PID1: variants seen among roughly 807,000 people sequenced by gnomAD.
PID1 encodes phosphotyrosine interaction domain containing 1.
In PID1, 10 loss-of-function variants were observed where a neutral mutation model predicts 19.1. The ratio of observed to expected loss-of-function variants is 0.52; its 90% CI spans 0.32 to 0.89. PID1 has a LOEUF of 0.89. PID1 is among the 40% of genes least tolerant of loss of function. PID1 has a pLI of 0.03. For synonymous variants in PID1, 130 were observed against 116.0 expected (o/e 1.12, Z -0.78); for missense variants, 248 against 285.3 (o/e 0.87, Z 0.94).
intron 2 of PID1, among the ~76,000 whole-genome samples, chr2:229,060,765 C>T (rs534703384): frequency 6.6e-6 from 1 of 152,100 alleles, no homozygotes; most frequent in Admixed American, 6.6e-5. Flanking sequence ...TTTCTCCATA[C>T]CCTCGCCAAC....
chr2:229,101,620 C>G (rs1695076568), intron 2 of PID1, among the ~76,000 whole-genome samples: 1 of 152,128 alleles, frequency 6.6e-6, no homozygotes, highest in Admixed American at 6.5e-5. Context: ...ATTATCACAC[C>G]CATTTTACAA....
At chr2:229,067,856 T>C (rs1425858711) in intron 2 of PID1, among the ~76,000 whole-genome samples, 4 of 152,318 alleles carry the variant, frequency 2.6e-5, no homozygotes, top group African/African-American at 7.2e-5. Context: ...CTTCTGGTCA[T>C]GCTATTCCAG....
intron 1 of PID1, among the ~76,000 whole-genome samples, chr2:229,221,026 G>T (rs1007097970): frequency 6.6e-6 from 1 of 152,162 alleles, no homozygotes. Flanking sequence ...TGGCCGATCA[G>T]TGTAGACTTG....
intron 1 of PID1, among the ~76,000 whole-genome samples, chr2:229,205,926 C>T (rs1159297521): frequency 6.6e-6 from 1 of 152,118 alleles, no homozygotes; most frequent in Non-Finnish European, 1.5e-5. Context: ...ATTTGCTCTG[C>T]CCATCATGAA....
At chr2:229,056,691 A>T (rs1694109894) in intron 2 of PID1, among the ~76,000 whole-genome samples, 1 of 147,118 alleles carries the variant, frequency 6.8e-6, no homozygotes, top group Non-Finnish European at 1.5e-5. Context: ...CCAATGCACC[A>T]CCAAGCAATC....
At chr2:229,094,184 G>T (rs141939195) in intron 2 of PID1, among the ~76,000 whole-genome samples, 2 of 151,930 alleles carry the variant, frequency 1.3e-5, no homozygotes, top group African/African-American at 4.8e-5. Flanking sequence ...AACTCAATCC[G>T]CTTTAAAATA....
chr2:229,178,229 A>G (rs1690866368), intron 1 of PID1, among the ~76,000 whole-genome samples: 1 of 152,174 alleles, frequency 6.6e-6, no homozygotes, highest in South Asian at 2.1e-4. Context: ...TTAAATTGCA[A>G]TTTCCCCATC....
At chr2:229,235,746 G>T (rs924220345) in intron 1 of PID1, among the ~76,000 whole-genome samples, 2 of 152,140 alleles carry the variant, frequency 1.3e-5, no homozygotes, top group Non-Finnish European at 2.9e-5. Flanking sequence ...GGAGAGATGA[G>T]AGATTAAAAT....
chr2:229,166,044 A>G (rs1396730975), intron 1 of PID1, among the ~76,000 whole-genome samples: 1 of 152,248 alleles, frequency 6.6e-6, no homozygotes, highest in Non-Finnish European at 1.5e-5. Context: ...CTATATTTTT[A>G]AGAGCAGAAA....
intron 2 of PID1, among the ~76,000 whole-genome samples, chr2:229,028,465 G>GA (rs1180531563): frequency 3.3e-5 from 5 of 152,158 alleles, no homozygotes; most frequent in Admixed American, 3.3e-4. Flanking sequence ...TGCATAAATA[G>GA]AAAATGTCAA....
At chr2:229,030,203 T>C (rs1693517483) in intron 2 of PID1, among the ~76,000 whole-genome samples, 1 of 151,980 alleles carries the variant, frequency 6.6e-6, no homozygotes, top group Admixed American at 6.6e-5. Context: ...GTATTTAGAG[T>C]AGTTAACATC....
chr2:229,066,570 T>C (rs925673943), intron 2 of PID1, among the ~76,000 whole-genome samples: 1 of 152,080 alleles, frequency 6.6e-6, no homozygotes, highest in African/African-American at 2.4e-5. Context: ...CCGTGACTCC[T>C]TCATTATGCT....
intron 1 of PID1, among the ~76,000 whole-genome samples, chr2:229,236,987 T>TACACACAAACACACAC (rs1553583949): frequency 6.5e-5 from 7 of 107,780 alleles, no homozygotes; most frequent in African/African-American, 2.5e-4. Context: ...TACACACACA[T>TACACACAAACACACAC]ACACACACAC....
chr2:229,129,039 T>G lies in PID1; in HGVS notation c.177+26779A>C, dbSNP rs547917899. Among the ~76,000 whole-genome samples, 24 of 152,080 alleles carry G rather than the reference T, an allele frequency of 1.6e-4. 1 individual carries two copies. In the South Asian group the frequency reaches 5.0e-3, roughly 32 times the overall value. ...ACACCTATTATATACCCACAAAAAT[T>G]TAATAAATAAATAAATAACGAGATA... On this transcript the variant is annotated intron_variant, in intron 2 of 2. Transcript: ENST00000392055.
chr2:229,148,239 G>A lies in PID1; in HGVS notation c.177+7579C>T, dbSNP rs76104240. On this transcript the variant is annotated intron_variant, in intron 2 of 2. Transcript: ENST00000392055. ...GTGGAAAGACCACAGTATAGAATTC[G>A]AAGTTGTAAGTTTGGACCTGCGGTG... Among the ~76,000 whole-genome samples, 82 of 152,310 alleles carry A rather than the reference G, an allele frequency of 5.4e-4. No individual in the cohort carries two copies. The East Asian group carries it at 0.015, about 28-fold the overall frequency.
intron 1 of PID1, among the ~76,000 whole-genome samples, chr2:229,229,320 G>A (rs1476545552): frequency 6.6e-6 from 1 of 152,090 alleles, no homozygotes; most frequent in East Asian, 1.9e-4. Flanking sequence ...GCATTTTTTT[G>A]ATGCCATGCA....
intron 2 of PID1, among the ~76,000 whole-genome samples, chr2:229,047,061 C>A (rs1427648742): frequency 6.6e-6 from 1 of 152,182 alleles, no homozygotes; most frequent in Non-Finnish European, 1.5e-5. Context: ...TCCTCTATGG[C>A]CCCACAAAGC....
At chr2:229,099,333 C>G (rs1305907541) in intron 2 of PID1, among the ~76,000 whole-genome samples, 1 of 152,250 alleles carries the variant, frequency 6.6e-6, no homozygotes, top group East Asian at 1.9e-4. Flanking sequence ...TATTAGGCAG[C>G]AGATGTAATT....
At chr2:229,223,575 A>G (rs180813134) in intron 1 of PID1, among the ~76,000 whole-genome samples, 1 of 152,338 alleles carries the variant, frequency 6.6e-6, no homozygotes, top group African/African-American at 2.4e-5. Flanking sequence ...CTGTATTCTA[A>G]CAGTCAGGAT....
Sources: allele counts gnomAD v4.1 joint callset (sites outside exome capture counted in the v4.1 genomes callset), GRCh38; gene constraint gnomAD v4.1.1; transcripts MANE v1.5; gene names NCBI Gene and HGNC (gene_info 2026-07-23, HGNC 2026-07-21).